The following EPHB2 variants were observed in gnomAD, a reference collection of about 807,000 sequenced individuals.
The protein encoded by EPHB2 is EPH receptor B2, also known as ephrin type-B receptor 2.
In EPHB2, 18 loss-of-function variants were observed where a neutral mutation model predicts 96.4. The observed-to-expected ratio is 0.19, with a 90% CI of 0.13 to 0.28. EPHB2 has a LOEUF of 0.28. EPHB2 is among the 10% of genes least tolerant of loss of function. EPHB2 has a pLI of 1.00. For synonymous variants in EPHB2, 506 were observed against 534.1 expected, an observed-to-expected ratio of 0.95 and a Z score of 0.72; for missense variants, 989 against 1,355.4, an observed-to-expected ratio of 0.73 and a Z score of 4.25.
intron 1 of EPHB2, among the ~76,000 whole-genome samples, chr1:22,715,889 C>T (rs560488263): frequency 1.3e-4 from 20 of 152,336 alleles, no homozygotes; most frequent in African/African-American, 4.8e-4. Flanking sequence ...ACTTCAGTTT[C>T]CCCCTGGGTT....
intron 5 of EPHB2, among the ~76,000 whole-genome samples, chr1:22,873,451 C>T (rs1176933372): frequency 1.3e-5 from 2 of 152,164 alleles, no homozygotes; most frequent in South Asian, 2.1e-4. Context: ...CAAGCCTCTG[C>T]TTATATCATG....
chr1:22,853,398 C>T (rs1173565130), intron 3 of EPHB2, among the ~76,000 whole-genome samples: 2 of 152,184 alleles, frequency 1.3e-5, no homozygotes, highest in African/African-American at 2.4e-5. Context: ...TGCCAGACCT[C>T]GGGGTTACCC....
chr1:22,889,685 T>G (rs1639332263), intron 6 of EPHB2, among the ~76,000 whole-genome samples: 1 of 152,104 alleles, frequency 6.6e-6, no homozygotes, highest in Non-Finnish European at 1.5e-5. Context: ...AGGTGGCACT[T>G]GCGCTGAGTC....
In EPHB2 at chr1:22,784,806, T is replaced by A. The variant is rs758937616; in HGVS notation, c.541T>A (p.Tyr181Asn). Residue 181 changes from tyrosine (Y) to asparagine (N), a missense_variant, in exon 3 of 16, where the codon TAT becomes AAT. Coordinates refer to ENST00000374630, the MANE Select transcript of EPHB2 (RefSeq NM_017449.5). The surrounding 1 kb of genome is among the most constrained non-coding windows in gnomAD (Gnocchi z 5.1). ...CGGCTTCTACCTGGCCTTCCAGGAC[T>A]ATGGCGGCTGCATGTCCCTCATCGC... ...RSGFYLAFQDYGGCMSLIAVR... is the reference protein window; with the variant it reads ...RSGFYLAFQDNGGCMSLIAVR... 2 of 1,603,266 alleles carry A rather than the reference T, an allele frequency of 1.2e-6. No homozygotes were observed. Among genetic ancestry groups the A allele is most frequent in the Non-Finnish European group, 1.7e-6 (2 of 1,173,256 alleles).
At chr1:22,835,469 T>G (rs1645366931) in intron 3 of EPHB2, among the ~76,000 whole-genome samples, 1 of 152,164 alleles carries the variant, frequency 6.6e-6, no homozygotes, top group Admixed American at 6.5e-5. Flanking sequence ...CACACAGACA[T>G]GCACATATGT....
At chr1:22,796,980 C>T (rs190983984) in intron 3 of EPHB2, among the ~76,000 whole-genome samples, 16 of 152,326 alleles carry the variant, frequency 1.1e-4, no homozygotes, top group Non-Finnish European at 2.2e-4. Context: ...CTGGAATATT[C>T]GCAGTGTCTC....
At chr1:22,754,808 A>AGG (rs1644117841) in intron 1 of EPHB2, among the ~76,000 whole-genome samples, 1 of 884 alleles carries the variant, frequency 1.1e-3, no homozygotes, top group Non-Finnish European at 2.3e-3. Context: ...GGGAGGTGAG[A>AGG]GGCAGGGGAA....
intron 1 of EPHB2, among the ~76,000 whole-genome samples, chr1:22,725,690 A>G (rs944037128): frequency 6.6e-6 from 1 of 152,202 alleles, no homozygotes; most frequent in Non-Finnish European, 1.5e-5. Flanking sequence ...GAATTTCTGT[A>G]AAGTAAATCC....
intron 6 of EPHB2, among the ~76,000 whole-genome samples, chr1:22,886,614 CAG>C (rs1318465377): frequency 8.3e-5 from 12 of 144,442 alleles, no homozygotes; most frequent in Non-Finnish European, 1.6e-4. Context: ...CAAATGCCAG[CAG>C]AGTCTTTTTT....
chr1:22,905,943 A>C (rs768285328), intron 9 of EPHB2, 44 bp from the exon 10 acceptor site: 1 of 1,613,946 alleles, frequency 6.2e-7, no homozygotes, highest in East Asian at 2.2e-5. Flanking sequence ...TTTTGTGTGC[A>C]TCTTGAGTCA....
intron 3 of EPHB2, among the ~76,000 whole-genome samples, chr1:22,806,880 G>C (rs1245374436): frequency 1.3e-5 from 2 of 152,184 alleles, no homozygotes; most frequent in Non-Finnish European, 2.9e-5. Context: ...GGAGCTTTGT[G>C]GGCCCCCCCT....
At chr1:22,787,796 G>A (rs1557674701) in intron 3 of EPHB2, among the ~76,000 whole-genome samples, 1 of 152,180 alleles carries the variant, frequency 6.6e-6, no homozygotes, top group African/African-American at 2.4e-5. Context: ...AGGAATCCAG[G>A]TGTGGTTTAG....
chr1:22,879,605 C>G (rs1156406777), intron 5 of EPHB2, among the ~76,000 whole-genome samples: 1 of 152,230 alleles, frequency 6.6e-6, no homozygotes, highest in Non-Finnish European at 1.5e-5. Context: ...ACCTCAGCTC[C>G]TCGCCAGCTG....
intron 9 of EPHB2, among the ~76,000 whole-genome samples, chr1:22,901,032 C>G (rs1044043866): frequency 1.3e-5 from 2 of 152,136 alleles, no homozygotes; most frequent in African/African-American, 2.4e-5. Context: ...TGGGTGACCT[C>G]GGGGAAGCCA....
intron 6 of EPHB2, among the ~76,000 whole-genome samples, chr1:22,887,844 C>T (rs1391047815): frequency 6.6e-6 from 1 of 152,150 alleles, no homozygotes; most frequent in African/African-American, 2.4e-5. Flanking sequence ...ACATTCCAGG[C>T]AGAAGGAGCA....
intron 3 of EPHB2, among the ~76,000 whole-genome samples, chr1:22,786,016 T>G (rs1293557796): frequency 6.6e-6 from 1 of 152,172 alleles, no homozygotes; most frequent in Non-Finnish European, 1.5e-5. Context: ...TAAGTATAAG[T>G]GGTGTTTGAA....
Position 22,908,015 on chromosome 1 carries a change from C to T in EPHB2, c.2199C>T (p.Gly733=), listed in dbSNP as rs1557750862. 3.1e-6 allele frequency: 5 copies of T among 1,614,244 alleles called. No individual in the cohort carries two copies. Among genetic ancestry groups the T allele is most frequent in the Non-Finnish European group, 1.7e-6 (2 of 1,180,044 alleles). Residue 733 remains glycine (G), a synonymous_variant, in exon 12 of 16, where the codon GGC becomes GGT. Coordinates refer to ENST00000374630, the MANE Select transcript of EPHB2 (RefSeq NM_017449.5). Reference sequence around the variant, plus strand: ...GCATGCTTCGGGGCATCGCAGCTGGCATGAAGTACCTGGCAGACATGAACT... The same window carrying T: ...GCATGCTTCGGGGCATCGCAGCTGGTATGAAGTACCTGGCAGACATGAACT... ...LVGMLRGIAA[G]MKYLADMNYV...
At chr1:22,808,367 C>T (rs1570316329) in intron 3 of EPHB2, among the ~76,000 whole-genome samples, 1 of 152,314 alleles carries the variant, frequency 6.6e-6, no homozygotes, top group East Asian at 1.9e-4. Flanking sequence ...GGGTTGGGGA[C>T]ATATCTGCTG....
At chr1:22,758,882 A>G (rs368858656) in intron 1 of EPHB2, among the ~76,000 whole-genome samples, 17 of 125,476 alleles carry the variant, frequency 1.4e-4, no homozygotes, top group African/African-American at 3.0e-4. Context: ...TGGATGGATG[A>G]ATGGATGGCT....
Sources: allele counts gnomAD v4.1 joint callset (sites outside exome capture counted in the v4.1 genomes callset), GRCh38; gene constraint gnomAD v4.1.1; non-coding constraint Gnocchi (gnomAD v3.1); transcripts MANE v1.5; gene names NCBI Gene and HGNC (gene_info 2026-07-23, HGNC 2026-07-21).